Variants in KCNQ3 observed in about 807,000 individuals in gnomAD.
The protein encoded by KCNQ3 is potassium voltage-gated channel subfamily Q member 3.
A neutral mutation model predicts 92.5 loss-of-function variants in KCNQ3; 30 were observed. That is an observed-to-expected ratio of 0.32 (90% CI 0.24 to 0.44). The LOEUF is 0.44. Ranked by LOEUF, KCNQ3 falls within the 20% of genes least tolerant of loss-of-function variation. The pLI is 1.00. For synonymous variants in KCNQ3, 450 were observed against 468.8 expected, an observed-to-expected ratio of 0.96 and a Z score of 0.52; for missense variants, 913 against 1,140.3, an observed-to-expected ratio of 0.80 and a Z score of 2.87.
chr8:132,419,671 A>C (rs1820913434), intron 1 of KCNQ3, among the ~76,000 whole-genome samples: 1 of 152,232 alleles, frequency 6.6e-6, no homozygotes, highest in Admixed American at 6.5e-5. Flanking sequence ...GCCAGTAGAT[A>C]CAGGTGCTAT....
chr8:132,469,810 C>T (rs894055869), intron 1 of KCNQ3, among the ~76,000 whole-genome samples: 1 of 151,744 alleles, frequency 6.6e-6, no homozygotes, highest in Non-Finnish European at 1.5e-5. Context: ...AACTTGAAAG[C>T]GGGAGCTTCC....
rs563157459 is a variant in KCNQ3 at position 132,300,228 on chromosome 8, G to A, written c.387-114047C>T. 2.0e-5 allele frequency among the ~76,000 whole-genome samples: 3 copies of A among 152,294 alleles called. No individual in the cohort carries two copies. In the East Asian group the frequency reaches 5.8e-4, roughly 29 times the overall value. On this transcript the variant is annotated intron_variant, in intron 1 of 14. Coordinates refer to ENST00000388996, the MANE Select transcript of KCNQ3 (RefSeq NM_004519.4). ...ACCATGGATCATTCTGTCATGGGAG[G>A]TGACACCATTTTTTTTTGCATTTTC...
chr8:132,161,636 A>C (rs1438483453), intron 9 of KCNQ3, among the ~76,000 whole-genome samples: 1 of 152,092 alleles, frequency 6.6e-6, no homozygotes, highest in African/African-American at 2.4e-5. Flanking sequence ...CATCTCAAAA[A>C]AACAAAAAAC....
chr8:132,434,335 A>C (rs1460887264), intron 1 of KCNQ3, among the ~76,000 whole-genome samples: 1 of 152,160 alleles, frequency 6.6e-6, no homozygotes, highest in East Asian at 1.9e-4. Context: ...AGGTTTTATC[A>C]CTGCTTAACA....
At chr8:132,304,314 G>C (rs376635728) in intron 1 of KCNQ3, among the ~76,000 whole-genome samples, 17 of 152,144 alleles carry the variant, frequency 1.1e-4, no homozygotes, top group African/African-American at 4.1e-4. Context: ...GTTTAAAAAT[G>C]CCATAAAATA....
intron 1 of KCNQ3, among the ~76,000 whole-genome samples, chr8:132,297,937 T>A (rs140844857): frequency 2.9e-4 from 44 of 152,376 alleles, no homozygotes; most frequent in African/African-American, 1.0e-3. Flanking sequence ...TATCTTGGCA[T>A]GTGTCAGTTT....
rs1274920497 is a variant in KCNQ3, at chr8:132,122,715, G to T, written c.*6547C>A. 6.6e-6 allele frequency: 1 copy of T among 152,134 alleles called. No homozygotes were observed. The highest frequency in any genetic ancestry group is 1.5e-5 in the Non-Finnish European group (1 of 68,030). The allele number at this position is 152,134 out of a possible 1,614,324, so 9.4% of individuals were successfully genotyped here. A position where few individuals can be genotyped will look rare whatever the true frequency, so the allele number is the denominator to read the frequency against. On this transcript the variant is annotated 3_prime_UTR_variant, in exon 15 of 15. Coordinates refer to ENST00000388996, the MANE Select transcript of KCNQ3 (RefSeq NM_004519.4). Reference sequence around the variant, plus strand: ...ATATCTCTTAGGAGCTTTCACTTCAGCCTGACTCAGGAGAACTGAAACATC... The same window carrying T: ...ATATCTCTTAGGAGCTTTCACTTCATCCTGACTCAGGAGAACTGAAACATC...
intron 1 of KCNQ3, among the ~76,000 whole-genome samples, chr8:132,235,784 C>T (rs910998034): frequency 2.0e-5 from 3 of 152,192 alleles, no homozygotes; most frequent in Non-Finnish European, 2.9e-5. Flanking sequence ...TCCTTTGCAT[C>T]ATTTAGATCT....
rs1329097122 is a variant in KCNQ3 at position 132,435,894 on chromosome 8, T to G, written c.386+44253A>C. Reference sequence around the variant, plus strand: ...TCACCCCCTAGTCTTGTCCTCATCATTTGGCATTGCAGCCAAGTTTGTATT... The same window carrying G: ...TCACCCCCTAGTCTTGTCCTCATCAGTTGGCATTGCAGCCAAGTTTGTATT... On this transcript the variant is annotated intron_variant, in intron 1 of 14. Coordinates refer to ENST00000388996, the MANE Select transcript of KCNQ3 (RefSeq NM_004519.4). Among the ~76,000 whole-genome samples the G allele has an allele frequency of 4.6e-5, 7 of 152,150 alleles. No individual in the cohort carries two copies. In the East Asian group the frequency reaches 1.4e-3, roughly 29 times the overall value.
In KCNQ3 at chr8:132,124,655, T is replaced by C. The variant is rs1157807542; in HGVS notation, c.*4607A>G. ...GGCCAGTTGGCTCAGTTTGGAATGG[T>C]TTAATATCAGCAACAATAGCATTGG... is the stretch of plus-strand genomic sequence containing the variant. On this transcript the variant is annotated 3_prime_UTR_variant, in exon 15 of 15. Transcript: ENST00000388996. 1 of 152,146 alleles carries C rather than the reference T, an allele frequency of 6.6e-6. No homozygotes were observed. Among genetic ancestry groups the C allele is most frequent in the Non-Finnish European group, 1.5e-5 (1 of 68,024 alleles). The allele number at this position is 152,146 out of a possible 1,614,324, so 9.4% of individuals were successfully genotyped here. A position where few individuals can be genotyped will look rare whatever the true frequency, so the allele number is the denominator to read the frequency against.
intron 1 of KCNQ3, among the ~76,000 whole-genome samples, chr8:132,227,360 C>A (rs1208173555): frequency 6.6e-6 from 1 of 151,802 alleles, no homozygotes; most frequent in African/African-American, 2.4e-5. Context: ...ACACCCGGCC[C>A]CACTGGTGTC....
rs115968914 is a variant in KCNQ3, at chr8:132,215,108, G to A, written c.387-28927C>T. 5.1e-3 allele frequency among the ~76,000 whole-genome samples: 778 copies of A among 152,262 alleles called. 7 individuals carry two copies. The highest frequency in any genetic ancestry group is 0.018 in the African/African-American group (737 of 41,536). The stretch of plus-strand genomic sequence containing the variant: ...AGAAGGCAGATGGAGCCATGCACTC[G>A]GGCAGCTTGTAGCTGCAGCACCATC... On this transcript the variant is annotated intron_variant, in intron 1 of 14. Coordinates refer to ENST00000388996, the MANE Select transcript of KCNQ3 (RefSeq NM_004519.4).
chr8:132,134,157 C>T (rs1824982930), intron 13 of KCNQ3, 133 bp downstream of exon 13: 1 of 739,256 alleles, frequency 1.4e-6, no homozygotes. Context: ...AAACAAGCTT[C>T]AAACTCTTTC....
intron 1 of KCNQ3, among the ~76,000 whole-genome samples, chr8:132,379,313 T>TC (rs1372105494): frequency 6.6e-6 from 1 of 151,894 alleles, no homozygotes; most frequent in Non-Finnish European, 1.5e-5. Flanking sequence ...TCTATTTTTT[T>TC]TTCAGATGAG....
chr8:132,258,301 T>C (rs557512351), intron 1 of KCNQ3, among the ~76,000 whole-genome samples: 14 of 152,264 alleles, frequency 9.2e-5, no homozygotes, highest in African/African-American at 3.4e-4. Context: ...ATTGAAATAA[T>C]ACAATATGTG....
chr8:132,467,477 T>C (rs1385310730), intron 1 of KCNQ3, among the ~76,000 whole-genome samples: 2 of 152,134 alleles, frequency 1.3e-5, no homozygotes, highest in African/African-American at 4.8e-5. Flanking sequence ...GACTATTTTA[T>C]AGGACTCTTG....
intron 13 of KCNQ3, among the ~76,000 whole-genome samples, chr8:132,132,574 A>G (rs1018857915): frequency 4.6e-5 from 7 of 152,270 alleles, no homozygotes; most frequent in Non-Finnish European, 1.0e-4. Context: ...TAGAGTATCT[A>G]GTTCCTTTAA....
At chr8:132,338,696 C>T (rs116918729) in intron 1 of KCNQ3, among the ~76,000 whole-genome samples, 45 of 152,214 alleles carry the variant, frequency 3.0e-4, no homozygotes, top group East Asian at 1.7e-3. Context: ...AGGAACACAC[C>T]GGTTGTTTGT....
At chr8:132,420,978 C>A (rs968940419) in intron 1 of KCNQ3, among the ~76,000 whole-genome samples, 1 of 152,126 alleles carries the variant, frequency 6.6e-6, no homozygotes, top group African/African-American at 2.4e-5. Context: ...AAATTTTAAT[C>A]CCCAAAGTAA....
Sources: gnomAD v4.1 joint callset for allele counts (sites outside exome capture counted in the v4.1 genomes callset) on GRCh38, gnomAD v4.1.1 for gene constraint, MANE v1.5 for transcripts, NCBI Gene and HGNC (gene_info 2026-07-23, HGNC 2026-07-21) for gene names.